Variants in RASGRP3 observed in about 807,000 individuals in gnomAD.
RASGRP3 encodes the protein ras guanyl-releasing protein 3.
Under a neutral mutation model 82.7 loss-of-function variants are expected in RASGRP3, and 54 were observed. The observed-to-expected ratio is 0.65, with a 90% confidence interval of 0.52 to 0.82. The LOEUF (loss-of-function observed/expected upper bound fraction) is 0.82, where lower values mean the gene tolerates loss of function less well. Ranked by LOEUF, RASGRP3 falls within the 40% of genes least tolerant of loss-of-function variation. The pLI, the probability that RASGRP3 is intolerant of heterozygous loss-of-function variation, is 0.00. For missense variants in RASGRP3, 861 were observed against 828.9 expected (o/e 1.04, Z -0.48); for synonymous variants, 309 against 300.5 (o/e 1.03, Z -0.29).
intron 1 of RASGRP3, among the ~76,000 whole-genome samples, chr2:33,445,288 G>A (rs1474361365): frequency 6.6e-6 from 1 of 152,164 alleles, no homozygotes; most frequent in African/African-American, 2.4e-5. Flanking sequence ...TGGAAACATA[G>A]GTCTCTGAAA....
chr2:33,545,615 C>T (rs2151082564), intron 13 of RASGRP3, among the ~76,000 whole-genome samples: 1 of 152,270 alleles, frequency 6.6e-6, no homozygotes, highest in South Asian at 2.1e-4. Flanking sequence ...TTTTTGGCCT[C>T]TTCATTATGA....
At chr2:33,536,477 C>T (rs1230968574) in intron 11 of RASGRP3, among the ~76,000 whole-genome samples, 6 of 152,080 alleles carry the variant, frequency 3.9e-5, no homozygotes, top group Admixed American at 3.9e-4. Context: ...CATCCCTCAT[C>T]TCAGGGACAA....
intron 1 of RASGRP3, among the ~76,000 whole-genome samples, chr2:33,484,092 G>T (rs1438363076): frequency 6.6e-6 from 1 of 152,096 alleles, no homozygotes; most frequent in Non-Finnish European, 1.5e-5. Context: ...TTCAAATTTG[G>T]CTGAACCAAG....
intron 2 of RASGRP3, among the ~76,000 whole-genome samples, chr2:33,460,516 ATT>A (rs746782383): frequency 1.1e-4 from 15 of 140,604 alleles, no homozygotes; most frequent in African/African-American, 1.6e-4. Flanking sequence ...TTTAGATATA[ATT>A]TTTTTTTTTT....
At chr2:33,536,401 C>G (rs1673616225) in intron 11 of RASGRP3, among the ~76,000 whole-genome samples, 1 of 150,272 alleles carries the variant, frequency 6.7e-6, no homozygotes, top group Non-Finnish European at 1.5e-5. Context: ...TCGGATCAAA[C>G]AGCTGCTAAG....
intron 2 of RASGRP3, among the ~76,000 whole-genome samples, chr2:33,448,429 A>G (rs939675956): frequency 3.9e-5 from 6 of 152,004 alleles, no homozygotes; most frequent in African/African-American, 1.2e-4. Flanking sequence ...CTATCAACAG[A>G]TGAAGAGATA....
intron 2 of RASGRP3, among the ~76,000 whole-genome samples, chr2:33,455,166 C>G (rs996114704): frequency 6.6e-6 from 1 of 152,156 alleles, no homozygotes; most frequent in African/African-American, 2.4e-5. Flanking sequence ...TTAAAACAGT[C>G]TTATGGATGT....
chr2:33,451,760 C>G (rs1291288516), intron 2 of RASGRP3, among the ~76,000 whole-genome samples: 1 of 151,984 alleles, frequency 6.6e-6, no homozygotes, highest in Non-Finnish European at 1.5e-5. Context: ...GCTCATTTGC[C>G]TCTCCAGATT....
chr2:33,531,980 G>T (rs1033356372), intron 10 of RASGRP3: 10 of 150,556 alleles, frequency 6.6e-5, no homozygotes, highest in Admixed American at 4.6e-4. Context: ...GAAGGAAGGA[G>T]TCACTTGGTT....
intron 2 of RASGRP3, among the ~76,000 whole-genome samples, chr2:33,461,195 C>G (rs12612756): frequency 6.6e-6 from 1 of 152,220 alleles, no homozygotes; most frequent in African/African-American, 2.4e-5. Context: ...ATTCATGAGA[C>G]TGGCAATCAC....
At chr2:33,475,746 A>G (rs1667322622), upstream of RASGRP3, among the ~76,000 whole-genome samples, 1 of 152,216 alleles carries the variant, frequency 6.6e-6, no homozygotes, top group Admixed American at 6.5e-5. Context: ...CAGGTGAGAC[A>G]TATGAATTCA....
At chr2:33,511,958 T>C (rs1337399534) in intron 2 of RASGRP3, 116 bp downstream of exon 2, 1 of 152,514 alleles carries the variant, frequency 6.6e-6, no homozygotes, top group African/African-American at 2.4e-5. Context: ...CTTTGTATGA[T>C]GAGATTAGGG....
chr2:33,545,836 G>A (rs1441128331), intron 13 of RASGRP3, among the ~76,000 whole-genome samples: 8 of 151,972 alleles, frequency 5.3e-5, no homozygotes, highest in South Asian at 2.1e-4. Context: ...ACAGAGTCTC[G>A]TTCTTTTGCC....
intron 8 of RASGRP3, 34 bp downstream of exon 8, chr2:33,524,086 C>T: frequency 6.3e-7 from 1 of 1,599,294 alleles, no homozygotes; most frequent in Non-Finnish European, 8.6e-7. Context: ...TTCTTGAGTT[C>T]TAGATGTTCG....
intron 13 of RASGRP3, among the ~76,000 whole-genome samples, chr2:33,549,226 T>A (rs888224569): frequency 6.6e-6 from 1 of 152,166 alleles, no homozygotes; most frequent in Non-Finnish European, 1.5e-5. Context: ...GTTCTCTGCC[T>A]TTCTCCATCA....
At chr2:33,543,720 G>A (rs898024125) in intron 13 of RASGRP3, 93 bp downstream of exon 13, 11 of 875,106 alleles carry the variant, frequency 1.3e-5, no homozygotes, top group Non-Finnish European at 1.9e-5. Flanking sequence ...TTTGCATCTT[G>A]ACAGCTTCAA....
At chr2:33,500,161 A>G (rs1284044064) in intron 1 of RASGRP3, among the ~76,000 whole-genome samples, 10 of 152,190 alleles carry the variant, frequency 6.6e-5, no homozygotes. Context: ...GTTCCCTTTC[A>G]CAGCAGTATC....
intron 1 of RASGRP3, among the ~76,000 whole-genome samples, chr2:33,478,715 C>G (rs1206622858): frequency 2.6e-5 from 4 of 152,230 alleles, no homozygotes; most frequent in Admixed American, 1.3e-4. Flanking sequence ...TGCGATTTAA[C>G]TCTTTCGTAT....
intron 1 of RASGRP3, among the ~76,000 whole-genome samples, chr2:33,507,232 T>C (rs1437021091): frequency 6.6e-6 from 1 of 152,026 alleles, no homozygotes; most frequent in East Asian, 1.9e-4. Flanking sequence ...CCATCTCTAC[T>C]AAAAATACAA....
Sources: allele counts gnomAD v4.1 joint callset (sites outside exome capture counted in the v4.1 genomes callset), GRCh38; gene constraint gnomAD v4.1.1; transcripts MANE v1.5; gene names NCBI Gene and HGNC (gene_info 2026-07-23, HGNC 2026-07-21).